Variants in GALNT11 observed in about 807,000 individuals in gnomAD.
The protein encoded by GALNT11 is UDP-GalNAc:polypeptide N-acetylgalactosaminyltransferase 11.
Under a neutral mutation model 72.7 loss-of-function variants are expected in GALNT11, and 47 were observed. The observed-to-expected ratio is 0.65, with a 90% CI of 0.51 to 0.82. GALNT11 has a LOEUF of 0.82. Ranked by LOEUF, GALNT11 falls within the 40% of genes least tolerant of loss-of-function variation. The probability of loss-of-function intolerance (pLI) is 0.00; values close to 1 mark genes in which losing one functional copy is unlikely to be tolerated. For synonymous variants in GALNT11, 270 were observed against 286.6 expected (o/e 0.94, Z 0.58); for missense variants, 677 against 778.4 (o/e 0.87, Z 1.55).
Position 152,121,861 on chromosome 7 carries a change from C to CTGAGTGTCCACGGGTGAAGAAG in GALNT11, c.*212_*233dup, listed in dbSNP as rs539239818. 32 of 637,244 alleles carry CTGAGTGTCCACGGGTGAAGAAG rather than the reference C, an allele frequency of 5.0e-5. No homozygotes were observed. The highest frequency in any genetic ancestry group is 4.0e-4 in the African/African-American group (22 of 54,394). The allele number at this position is 637,244 out of a possible 1,614,324, so 39.5% of individuals were successfully genotyped here. A position where few individuals can be genotyped will look rare whatever the true frequency, so the allele number is the denominator to read the frequency against. ...CACGTGTCTGACAGAGACGGGAGCT[C>CTGAGTGTCCACGGGTGAAGAAG]TGAGTGTCCACGGGTGAAGAAGTGA... On this transcript the variant is annotated 3_prime_UTR_variant, in exon 12 of 12. Transcript: ENST00000430044.
intron 2 of GALNT11, among the ~76,000 whole-genome samples, chr7:152,099,929 A>G (rs2086709652): frequency 6.9e-6 from 1 of 145,194 alleles, no homozygotes; most frequent in Non-Finnish European, 1.5e-5. Context: ...TGAGCCACTG[A>G]GCCACCACAC....
chr7:152,079,761 C>T (rs952923909), intron 1 of GALNT11, among the ~76,000 whole-genome samples: 1 of 152,202 alleles, frequency 6.6e-6, no homozygotes, highest in African/African-American at 2.4e-5. Context: ...TTTATGTTGT[C>T]ATCACCTGGT....
intron 1 of GALNT11, among the ~76,000 whole-genome samples, chr7:152,086,162 A>G (rs940259626): frequency 1.3e-5 from 2 of 152,104 alleles, no homozygotes; most frequent in African/African-American, 4.8e-5. Flanking sequence ...CTGGGATTAC[A>G]GGTGTGAGCC....
At chr7:152,026,563 C>T (rs140862428) in intron 1 of GALNT11, among the ~76,000 whole-genome samples, 18 of 152,360 alleles carry the variant, frequency 1.2e-4, no homozygotes, top group Admixed American at 3.9e-4. Context: ...CATCCTTCTG[C>T]TCACCTGAGA....
chr7:152,080,521 T>A (rs2085257569), intron 1 of GALNT11, among the ~76,000 whole-genome samples: 1 of 152,158 alleles, frequency 6.6e-6, no homozygotes, highest in African/African-American at 2.4e-5. Context: ...AGTATAGCAT[T>A]TTGTAGATAG....
In GALNT11 at chr7:152,077,354, G is replaced by A. The variant is rs143337079; in HGVS notation, c.-38-16836G>A. On this transcript the variant is annotated intron_variant, in intron 1 of 11. Coordinates refer to ENST00000430044, the MANE Select transcript of GALNT11 (RefSeq NM_022087.4). ...AGACGTGAGCCTCTGACCCAGGGCC[G>A]CTTTTGCCCGGCTATTTGCTGTTCT... 4.7e-4 allele frequency among the ~76,000 whole-genome samples: 71 copies of A among 152,306 alleles called. No individual in the cohort carries two copies. In the East Asian group the frequency reaches 9.5e-3, roughly 20 times the overall value.
chr7:152,040,193 G>A (rs2082787315), intron 1 of GALNT11, among the ~76,000 whole-genome samples: 2 of 151,686 alleles, frequency 1.3e-5, no homozygotes, highest in South Asian at 4.2e-4. Context: ...ACTGCAAGAG[G>A]TGACGTTTAA....
Position 152,117,206 on chromosome 7 carries a change from A to G in GALNT11, c.1283A>G (p.Asn428Ser), listed in dbSNP as rs202052372. Residue 428 changes from asparagine to serine, a missense_variant, in exon 9 of 12, where the codon AAT becomes AGT. Coordinates refer to ENST00000430044, the MANE Select transcript of GALNT11 (RefSeq NM_022087.4). ...GACCTGAAGACGAAAAGCTATGGCA[A>G]TATCAGTGAGCGTGTGGAACTGAGA... ...RPDLKTKSYG[N>S]ISERVELRKK... 6.8e-6 allele frequency: 11 copies of G among 1,614,000 alleles called. No individual in the cohort carries two copies. Among genetic ancestry groups the G allele is most frequent in the African/African-American group, 1.3e-5 (1 of 74,920 alleles).
intron 7 of GALNT11, among the ~76,000 whole-genome samples, chr7:152,111,853 A>C (rs972146308): frequency 3.9e-5 from 6 of 152,172 alleles, no homozygotes; most frequent in African/African-American, 1.4e-4. Flanking sequence ...AAAAATAAAT[A>C]GCTTCCCATT....
At position 152,095,138 on chromosome 7, in the gene GALNT11, A is replaced by G. The variant is rs183750022; in HGVS notation, c.295+616A>G. The stretch of plus-strand genomic sequence containing the variant: ...CAAGAATTACTAAGGTGCTAGAAAA[A>G]ATATATGTATATATAATATAGTTTA... On this transcript the variant is annotated intron_variant, in intron 2 of 11. Transcript: ENST00000430044. Among the ~76,000 whole-genome samples, 145 of 152,260 alleles carry G rather than the reference A, an allele frequency of 9.5e-4. 1 individual carries two copies. The highest frequency in any genetic ancestry group is 1.8e-3 in the Non-Finnish European group (121 of 68,014).
At chr7:152,095,959 C>T (rs1237061979) in intron 2 of GALNT11, among the ~76,000 whole-genome samples, 1 of 152,042 alleles carries the variant, frequency 6.6e-6, no homozygotes, top group African/African-American at 2.4e-5. Context: ...AAACCAGTTG[C>T]ATTTTTATAC....
At chr7:152,059,095 TTTG>T (rs1047594892) in intron 1 of GALNT11, among the ~76,000 whole-genome samples, 8 of 152,110 alleles carry the variant, frequency 5.3e-5, no homozygotes, top group East Asian at 3.9e-4. Context: ...TGAATGGGTT[TTTG>T]TTGTTGTTGT....
chr7:152,092,188 C>T (rs779239026), intron 1 of GALNT11, among the ~76,000 whole-genome samples: 59 of 152,276 alleles, frequency 3.9e-4, no homozygotes, highest in Non-Finnish European at 4.3e-4. Flanking sequence ...TGCTCTTTGT[C>T]TACCCTAAGC....
chr7:152,087,052 T>C (rs1352177325), intron 1 of GALNT11, among the ~76,000 whole-genome samples: 2 of 152,234 alleles, frequency 1.3e-5, no homozygotes, highest in Non-Finnish European at 2.9e-5. Flanking sequence ...AACAAATATT[T>C]ATTAAATTGT....
intron 1 of GALNT11, among the ~76,000 whole-genome samples, chr7:152,041,236 C>G (rs1261362691): frequency 6.6e-6 from 1 of 152,144 alleles, no homozygotes; most frequent in Non-Finnish European, 1.5e-5. Context: ...ACCTATTTCC[C>G]AACTTTTTAT....
rs2087409684 is a variant in GALNT11, at chr7:152,105,284, AC to A, written c.628del (p.Leu210SerfsTer8). On this transcript the variant is annotated frameshift_variant, in exon 5 of 12. Coordinates refer to ENST00000430044, the MANE Select transcript of GALNT11 (RefSeq NM_022087.4). LOFTEE classifies it high-confidence loss of function. ...GAACTAGATGAATATGTCCAAAAAT[AC>A]CTCCCTGGAAAAATTAAAGTCATAA... is the stretch of plus-strand genomic sequence containing the variant. The part of the protein sequence containing the change: ...KGELDEYVQK[Y>X]LPGKIKVIRN... 5.6e-6 allele frequency: 9 copies of A among 1,613,920 alleles called. No homozygotes were observed. Among genetic ancestry groups the A allele is most frequent in the Non-Finnish European group, 7.6e-6 (9 of 1,179,914 alleles).
chr7:152,039,668 C>T (rs916982643), intron 1 of GALNT11, among the ~76,000 whole-genome samples: 6 of 152,196 alleles, frequency 3.9e-5, no homozygotes, highest in South Asian at 2.1e-4. Context: ...CGGGGGTCCT[C>T]GGGATTCTCC....
At chr7:152,110,433 G>T in intron 6 of GALNT11, 95 bp from the exon 7 acceptor site, 1 of 856,196 alleles carries the variant, frequency 1.2e-6, no homozygotes, top group South Asian at 1.5e-5. Context: ...ATTTTTATTA[G>T]TTATGTTCCA....
At position 152,120,902 on chromosome 7, in the gene GALNT11, C is replaced by A. The variant is rs143156028; in HGVS notation, c.1629C>A (p.Arg543=). 724 of 1,613,568 alleles carry A rather than the reference C, an allele frequency of 4.5e-4. 2 individuals carry two copies. In the African/African-American group the frequency reaches 8.6e-3, roughly 19 times the overall value. The change falls in exon 11 of 12, where the codon CGC becomes CGA. Residue 543 remains arginine (R), a synonymous_variant. Coordinates refer to ENST00000430044, the MANE Select transcript of GALNT11 (RefSeq NM_022087.4). ...TTTGTCTAGATATGTCAGAGACTCG[C>A]TCATCAGACCCGCCACGGCTCATGA... is the stretch of plus-strand genomic sequence containing the variant. ...SLLCLDMSET[R]SSDPPRLMKC...
Sources: gnomAD v4.1 joint callset for allele counts (sites outside exome capture counted in the v4.1 genomes callset) on GRCh38, gnomAD v4.1.1 for gene constraint, MANE v1.5 for transcripts, NCBI Gene and HGNC (gene_info 2026-07-23, HGNC 2026-07-21) for gene names.